The following TDP2 variants were observed in gnomAD, a reference collection of about 807,000 sequenced individuals.
TDP2 encodes tyrosyl-DNA phosphodiesterase 2, also known as 5'-Tyr-DNA phosphodiesterase.
TDP2 carries 38 observed loss-of-function variants against 42.8 expected under a neutral mutation model. The observed-to-expected ratio is 0.89, with a 90% CI of 0.68 to 1.16. TDP2 has a LOEUF of 1.16. Ranked by LOEUF, TDP2 falls within the 50% of genes most tolerant of loss-of-function variation. The pLI is 0.00. For missense variants in TDP2, 439 were observed against 439.3 expected, an observed-to-expected ratio of 1.00 and a Z score of 0.01; for synonymous variants, 173 against 150.6, an observed-to-expected ratio of 1.15 and a Z score of -1.09.
chr6:24,651,926 G>A (rs1222587130), intron 6 of TDP2, among the ~76,000 whole-genome samples: 1 of 152,188 alleles, frequency 6.6e-6, no homozygotes, highest in Non-Finnish European at 1.5e-5. Flanking sequence ...GTAGCATTAA[G>A]TATATTCACA....
At chr6:24,662,704 C>T (rs1562150303) in intron 2 of TDP2, among the ~76,000 whole-genome samples, 1 of 152,198 alleles carries the variant, frequency 6.6e-6, no homozygotes, top group Non-Finnish European at 1.5e-5. Context: ...TTCCTCTATA[C>T]TTTGTCTCTC....
At chr6:24,658,014 C>T in intron 3 of TDP2, 111 bp from the exon 4 acceptor site, 1 of 642,724 alleles carries the variant, frequency 1.6e-6, no homozygotes, top group South Asian at 1.9e-5. Flanking sequence ...CTCTAGGGCA[C>T]CTAATATTGA....
At chr6:24,665,897 A>G (rs1035476192) in intron 2 of TDP2, 1 of 484,722 alleles carries the variant, frequency 2.1e-6, no homozygotes, top group Non-Finnish European at 3.4e-6. Flanking sequence ...GGCACAGGTA[A>G]TAAAGATCTT....
At chr6:24,666,357 G>A (rs1778235500) in intron 2 of TDP2, 169 bp downstream of exon 2, 5 of 1,438,416 alleles carry the variant, frequency 3.5e-6, no homozygotes, top group East Asian at 4.6e-5. Flanking sequence ...CTGCTGGGGC[G>A]CAACTCCGCG....
intron 4 of TDP2, among the ~76,000 whole-genome samples, chr6:24,655,568 C>T (rs1028002531): frequency 4.6e-5 from 7 of 152,308 alleles, no homozygotes; most frequent in Non-Finnish European, 7.3e-5. Context: ...GACTGTCCCT[C>T]TATTAACAGG....
chr6:24,655,794 A>G (rs1778052930), intron 4 of TDP2, among the ~76,000 whole-genome samples: 1 of 152,210 alleles, frequency 6.6e-6, no homozygotes, highest in African/African-American at 2.4e-5. Flanking sequence ...AGAAAGCTAA[A>G]TAACTCTTTT....
rs574253630 is a variant in TDP2, at chr6:24,660,742, T to C, written c.252-2008A>G. Among the ~76,000 whole-genome samples, 58 of 152,362 alleles carry C rather than the reference T, an allele frequency of 3.8e-4. No individual in the cohort carries two copies. The South Asian group carries it at 9.3e-3, about 24-fold the overall frequency. On this transcript the variant is annotated intron_variant, in intron 2 of 6. Transcript: ENST00000378198. ...TCCTAATCTAGGATCACATGTTATA[T>C]TTAGATGGCATGTCTCTTTTAATTT...
At chr6:24,665,966 G>T in intron 2 of TDP2, 1 of 1,047,058 alleles carries the variant, frequency 9.6e-7, no homozygotes, top group African/African-American at 1.6e-5. Context: ...AGTTTGATAG[G>T]CCTGGAACCT....
intron 5 of TDP2, among the ~76,000 whole-genome samples, chr6:24,653,629 C>CA (rs2127617136): frequency 6.6e-6 from 1 of 152,292 alleles, no homozygotes; most frequent in African/African-American, 2.4e-5. Context: ...TTACCATTTG[C>CA]AATTAAGACA....
chr6:24,656,156 T>C (rs1195708448), intron 4 of TDP2, among the ~76,000 whole-genome samples: 1 of 152,124 alleles, frequency 6.6e-6, no homozygotes, highest in Non-Finnish European at 1.5e-5. Flanking sequence ...ACAAAAAAGA[T>C]ACTGTATCCA....
At chr6:24,666,119 C>T (rs1273897458) in intron 2 of TDP2, 1 of 1,548,476 alleles carries the variant, frequency 6.5e-7, no homozygotes, top group Non-Finnish European at 8.7e-7. Context: ...AACAACAAAC[C>T]TGTTATTCTG....
chr6:24,659,767 C>A (rs1778112772), intron 2 of TDP2, among the ~76,000 whole-genome samples: 1 of 152,178 alleles, frequency 6.6e-6, no homozygotes, highest in African/African-American at 2.4e-5. Flanking sequence ...TGAATCCAGA[C>A]CTTAGTAGCT....
At chr6:24,666,067 T>C in intron 2 of TDP2, 1 of 1,523,122 alleles carries the variant, frequency 6.6e-7, no homozygotes, top group Non-Finnish European at 8.8e-7. Flanking sequence ...AGAGGGGCAC[T>C]GAAATAACAG....
intron 2 of TDP2, 98 bp downstream of exon 2, chr6:24,666,428 T>G: frequency 6.8e-7 from 1 of 1,464,448 alleles, no homozygotes; most frequent in Non-Finnish European, 9.5e-7. Flanking sequence ...TGCCTCAGCA[T>G]CGTCCGCCCA....
chr6:24,650,781 A>C lies in TDP2; in HGVS notation c.*7T>G, dbSNP rs1400821132. 1 of 1,610,662 alleles carries C rather than the reference A, an allele frequency of 6.2e-7. No individual in the cohort carries two copies. The highest frequency in any genetic ancestry group is 1.3e-5 in the African/African-American group (1 of 74,736). ...AATCAGGGCAAAACCCACACTTGAA[A>C]AGCATTTTACAATATTATATCTAAG... On this transcript the variant is annotated 3_prime_UTR_variant, in exon 7 of 7. Coordinates refer to ENST00000378198, the MANE Select transcript of TDP2 (RefSeq NM_016614.3).
chr6:24,665,373 G>A (rs957681033), intron 2 of TDP2, among the ~76,000 whole-genome samples: 2 of 152,180 alleles, frequency 1.3e-5, no homozygotes, highest in African/African-American at 4.8e-5. Flanking sequence ...ACTTGCTCTG[G>A]TTAGTAAAAC....
intron 2 of TDP2, among the ~76,000 whole-genome samples, chr6:24,663,423 T>G (rs1385510897): frequency 6.6e-6 from 1 of 152,238 alleles, no homozygotes; most frequent in Non-Finnish European, 1.5e-5. Context: ...GTCCATGCTC[T>G]TATTCACTAT....
rs35306604 is a variant in TDP2, at chr6:24,666,702, A to G, written c.161T>C (p.Met54Thr). 2 of 1,614,104 alleles carry G rather than the reference A, an allele frequency of 1.2e-6. No homozygotes were observed. Among genetic ancestry groups the G allele is most frequent in the Non-Finnish European group, 1.7e-6 (2 of 1,180,036 alleles). Residue 54 changes from methionine (M) to threonine (T), a missense_variant, in exon 1 of 7, where the codon ATG becomes ACG. By Grantham distance (81) the Met-to-Thr change is moderately conservative. Transcript: ENST00000378198. ...QCFLAENDWE[M>T]ERALNSYFEP... ...GCGAGGACAGCGAAAGCGTACTTCC[A>G]TCTCCCAGTCGTTCTCGGCCAGGAA...
intron 4 of TDP2, among the ~76,000 whole-genome samples, chr6:24,656,322 A>C (rs1237631263): frequency 6.6e-6 from 1 of 152,134 alleles, no homozygotes; most frequent in East Asian, 1.9e-4. Flanking sequence ...TTCAAGGATC[A>C]ACCCAGGAGA....
Sources: allele counts gnomAD v4.1 joint callset (sites outside exome capture counted in the v4.1 genomes callset), GRCh38; gene constraint gnomAD v4.1.1; transcripts MANE v1.5; gene names NCBI Gene and HGNC (gene_info 2026-07-23, HGNC 2026-07-21).